Variants in GATM observed in about 807,000 individuals in gnomAD.
GATM encodes the protein glycine amidinotransferase, mitochondrial.
A neutral mutation model predicts 54.2 loss-of-function variants in GATM; 23 were observed. The ratio of observed to expected loss-of-function variants is 0.42; its 90% CI spans 0.31 to 0.60. The LOEUF (loss-of-function observed/expected upper bound fraction) is 0.60. Ranked by LOEUF, GATM falls within the 20% of genes least tolerant of loss-of-function variation. The pLI is 0.14. For synonymous variants in GATM, 168 were observed against 183.1 expected (o/e 0.92, Z 0.67); for missense variants, 401 against 544.9 (o/e 0.74, Z 2.63).
intron 2 of GATM, among the ~76,000 whole-genome samples, chr15:45,371,925 A>G (rs1206179238): frequency 6.6e-6 from 1 of 152,212 alleles, no homozygotes; most frequent in Admixed American, 6.5e-5. Flanking sequence ...TTTTTATCTC[A>G]GTCTGACAAA....
At chr15:45,383,446 C>T (rs139672673), upstream of GATM, among the ~76,000 whole-genome samples, 56 of 152,290 alleles carry the variant, frequency 3.7e-4, no homozygotes, top group African/African-American at 1.3e-3. Flanking sequence ...GAGGAAGAAA[C>T]ATTTGAAGTC....
chr15:45,394,264 T>G (rs1889903157), intron 3 of GATM, among the ~76,000 whole-genome samples: 1 of 152,200 alleles, frequency 6.6e-6, no homozygotes, highest in African/African-American at 2.4e-5. Flanking sequence ...GGATCTAGGT[T>G]GTGCGTTCCT....
chr15:45,364,210 T>C, intron 7 of GATM, 194 bp from the exon 8 acceptor site: 1 of 585,182 alleles, frequency 1.7e-6, no homozygotes, highest in Non-Finnish European at 3.0e-6. Context: ...ACATTTGAAT[T>C]TCACCCTGTT....
chr15:45,376,477 A>G (rs924801412), intron 2 of GATM, 124 bp downstream of exon 2: 42 of 825,142 alleles, frequency 5.1e-5, no homozygotes, highest in Non-Finnish European at 5.1e-5. Flanking sequence ...AGAGGTGTCA[A>G]GTAAGATAAC....
chr15:45,386,442 G>C (rs1040994356), intron 3 of GATM, among the ~76,000 whole-genome samples: 2 of 152,150 alleles, frequency 1.3e-5, no homozygotes, highest in African/African-American at 2.4e-5. Flanking sequence ...AACAACTCTT[G>C]TTGTCACAGA....
chr15:45,380,895 C>G (rs1889732226), upstream of GATM, among the ~76,000 whole-genome samples: 1 of 152,090 alleles, frequency 6.6e-6, no homozygotes, highest in African/African-American at 2.4e-5. Flanking sequence ...TACTTTCATT[C>G]TTTGTCCTTT....
At chr15:45,387,593 A>G (rs971477093) in intron 3 of GATM, among the ~76,000 whole-genome samples, 4 of 152,218 alleles carry the variant, frequency 2.6e-5, no homozygotes, top group Non-Finnish European at 5.9e-5. Flanking sequence ...CTCTTTCGCC[A>G]GACCTCTGGA....
chr15:45,385,558 TAAAG>T (rs1421141332), intron 3 of GATM, among the ~76,000 whole-genome samples: 2 of 152,360 alleles, frequency 1.3e-5, no homozygotes, highest in East Asian at 3.9e-4. Context: ...AAATAATGTT[TAAAG>T]AGAGTTTTTC....
chr15:45,392,556 A>G lies in GATM; in HGVS notation c.-319+4366T>C, dbSNP rs1388295639. On this transcript the variant is annotated intron_variant, in intron 3 of 4. Transcript: ENST00000561148. ...AGAGCACCAAAGCACAGCATAGAAG[A>G]GCACCCACAACAAGCCATTCATTCC... is the stretch of plus-strand genomic sequence containing the variant. Among the ~76,000 whole-genome samples, 4 of 152,258 alleles carry G rather than the reference A, an allele frequency of 2.6e-5. No individual in the cohort carries two copies. In the East Asian group the frequency reaches 7.7e-4, roughly 29 times the overall value.
rs1180219853 is a variant in GATM, at chr15:45,362,093, G to A, written c.*16C>T. 7 of 1,504,246 alleles carry A rather than the reference G, an allele frequency of 4.7e-6. No homozygotes were observed. Among genetic ancestry groups the A allele is most frequent in the Non-Finnish European group, 6.5e-6 (7 of 1,081,664 alleles). 93.2% of individuals were successfully genotyped at this position (1,504,246 alleles called of 1,614,324 possible). A position where few individuals can be genotyped will look rare whatever the true frequency, so the allele number is the denominator to read the frequency against. ...TAGGTGTATCTGAGGCCAGCCACAA[G>A]CTCCATCAGGCCTGTTCAGTCCAAG... On this transcript the variant is annotated 3_prime_UTR_variant, in exon 9 of 9. Coordinates refer to ENST00000396659, the MANE Select transcript of GATM (RefSeq NM_001482.3).
At chr15:45,370,465 T>C (rs183425235) in intron 2 of GATM, among the ~76,000 whole-genome samples, 60 of 152,232 alleles carry the variant, frequency 3.9e-4, no homozygotes, top group Admixed American at 3.4e-3. Flanking sequence ...GCCAAAATTG[T>C]GTGACAGTGC....
At chr15:45,386,308 ATTC>A (rs1352794784) in intron 3 of GATM, among the ~76,000 whole-genome samples, 6 of 152,360 alleles carry the variant, frequency 3.9e-5, no homozygotes, top group Admixed American at 3.9e-4. Flanking sequence ...TAACCTTTAT[ATTC>A]TTCTTTCTGC....
At chr15:45,395,699 A>G (rs953185652) in intron 3 of GATM, among the ~76,000 whole-genome samples, 1 of 152,176 alleles carries the variant, frequency 6.6e-6, no homozygotes, top group African/African-American at 2.4e-5. Context: ...GGGAAGTTAA[A>G]TTTGCATTAA....
At chr15:45,397,363 G>T (rs1455254196) in intron 2 of GATM, 3 of 152,042 alleles carry the variant, frequency 2.0e-5, no homozygotes, top group Non-Finnish European at 4.4e-5. Context: ...GGAGCTTTCA[G>T]CCCCTACCTC....
rs573273215 is a variant in GATM, at chr15:45,378,372, G to A, written c.69+13C>T. On this transcript the variant is annotated intron_variant, in intron 1 of 8. Coordinates refer to ENST00000396659, the MANE Select transcript of GATM (RefSeq NM_001482.3). Reference sequence around the variant, plus strand: ...GTCACGCGGCCGCCAGACGAGGCCGGTGGCGCACGCACCCGAGATCCGATG... The same window carrying A: ...GTCACGCGGCCGCCAGACGAGGCCGATGGCGCACGCACCCGAGATCCGATG... 2,007 of 1,515,796 alleles carry A rather than the reference G, an allele frequency of 1.3e-3. 4 individuals are homozygous for A. Among genetic ancestry groups the A allele is most frequent in the Non-Finnish European group, 1.7e-3 (1,935 of 1,137,410 alleles). 93.9% of individuals were successfully genotyped at this position (1,515,796 alleles called of 1,614,324 possible). A position where few individuals can be genotyped will look rare whatever the true frequency, so the allele number is the denominator to read the frequency against.
intron 2 of GATM, among the ~76,000 whole-genome samples, chr15:45,397,719 A>G (rs566086658): frequency 6.6e-6 from 1 of 152,210 alleles, no homozygotes; most frequent in Non-Finnish European, 1.5e-5. Flanking sequence ...TGGGAAGCCC[A>G]ATTTACAGAC....
chr15:45,393,155 A>G (rs950907374), intron 3 of GATM, among the ~76,000 whole-genome samples: 2 of 152,248 alleles, frequency 1.3e-5, no homozygotes, highest in Admixed American at 6.5e-5. Flanking sequence ...TGAGGTAGGT[A>G]TTAGTTTTAT....
At chr15:45,388,645 A>G (rs1054554202) in intron 3 of GATM, among the ~76,000 whole-genome samples, 3 of 152,180 alleles carry the variant, frequency 2.0e-5, no homozygotes, top group African/African-American at 7.2e-5. Flanking sequence ...AACTGGGTTT[A>G]TGTATTTCTC....
rs185569234 is a variant in GATM at position 45,376,733 on chromosome 15, A to T, written c.156T>A (p.Ala52=). Residue 52 remains alanine (A), a synonymous_variant, in exon 2 of 9, where the codon GCT becomes GCA. Coordinates refer to ENST00000396659, the MANE Select transcript of GATM (RefSeq NM_001482.3). ...ATASSRNSCA[A]DDKATEPLPK... ...GCAGAGGCTCAGTGGCTTTGTCGTC[A>T]GCTGCACAGGAGTTCCGGGAGGAAG... 4.4e-5 allele frequency: 71 copies of T among 1,614,224 alleles called. No homozygotes were observed. The highest frequency in any genetic ancestry group is 5.3e-5 in the African/African-American group (4 of 75,052).
Sources: allele counts gnomAD v4.1 joint callset (sites outside exome capture counted in the v4.1 genomes callset), GRCh38; gene constraint gnomAD v4.1.1; transcripts MANE v1.5; gene names NCBI Gene and HGNC (gene_info 2026-07-23, HGNC 2026-07-21).